FLCN: variants seen among roughly 807,000 people sequenced by gnomAD.
The protein encoded by FLCN is BHD skin lesion fibrofolliculoma protein.
FLCN carries 22 observed loss-of-function variants against 62.5 expected under a neutral mutation model. The observed-to-expected ratio is 0.35, with a 90% CI of 0.25 to 0.50. The LOEUF (loss-of-function observed/expected upper bound fraction) is 0.50. Ranked by LOEUF, FLCN falls within the 20% of genes least tolerant of loss-of-function variation. The probability of loss-of-function intolerance (pLI) is 0.97; values close to 1 mark genes in which losing one functional copy is unlikely to be tolerated. For synonymous variants in FLCN, 319 were observed against 310.0 expected (o/e 1.03, Z -0.30); for missense variants, 657 against 778.0 (o/e 0.84, Z 1.85).
chr17:17,215,535 A>G (rs1236440209), intron 11 of FLCN, among the ~76,000 whole-genome samples: 1 of 152,250 alleles, frequency 6.6e-6, no homozygotes, highest in East Asian at 1.9e-4. Context: ...ATAATTTATT[A>G]TATTACAATA....
rs1439151268 is a variant in FLCN, at chr17:17,213,794, TTC to T, written c.1599_1600del (p.Lys534AlafsTer67). 6.2e-7 allele frequency: 1 copy of T among 1,614,244 alleles called. No individual in the cohort carries two copies. The highest frequency in any genetic ancestry group is 1.6e-4 in the Middle Eastern group (1 of 6,062). On this transcript the variant is annotated frameshift_variant, in exon 14 of 14. Transcript: ENST00000285071. LOFTEE classifies it high-confidence loss of function. Reference sequence around the variant, plus strand: ...GGACGCACCCAGGATGCTCAGCAGCTTCTGTGTGTCCTCTTTGGGTCGACTGT... The same window carrying T: ...GGACGCACCCAGGATGCTCAGCAGCTTGTGTGTCCTCTTTGGGTCGACTGT...
chr17:17,232,347 T>A (rs1224300016), intron 2 of FLCN, among the ~76,000 whole-genome samples: 1 of 152,170 alleles, frequency 6.6e-6, no homozygotes, highest in African/African-American at 2.4e-5. Context: ...AGTGCCTTCC[T>A]GACACACAGG....
chr17:17,216,834 T>A lies in FLCN; in HGVS notation c.1176+235A>T, dbSNP rs760707970. On this transcript the variant is annotated intron_variant, in intron 10 of 13. Transcript: ENST00000285071. This position sits in a 1 kb window ranked among gnomAD's most constrained non-coding sequence, Gnocchi z 4.0. The stretch of plus-strand genomic sequence containing the variant: ...AAGCTTTTACCAAGACTGTGTCATA[T>A]GCATTTTTGTTCCCTCTCAGGCCTG... 1.6e-6 allele frequency: 1 copy of A among 614,862 alleles called. No individual in the cohort carries two copies. The highest frequency in any genetic ancestry group is 2.9e-6 in the Non-Finnish European group (1 of 344,128). 38.1% of individuals were successfully genotyped at this position (614,862 alleles called of 1,614,324 possible). A position where few individuals can be genotyped will look rare whatever the true frequency, so the allele number is the denominator to read the frequency against.
chr17:17,225,758 G>A, intron 5 of FLCN: 1 of 318,912 alleles, frequency 3.1e-6, no homozygotes, highest in Non-Finnish European at 6.3e-6. Context: ...GCACACACCA[G>A]TGGTCCCAGC....
At chr17:17,234,894 G>A (rs1465580717) in intron 1 of FLCN, among the ~76,000 whole-genome samples, 2 of 152,048 alleles carry the variant, frequency 1.3e-5, no homozygotes, top group East Asian at 1.9e-4. Flanking sequence ...GGCAGATCAC[G>A]AGGTCAGGAG....
intron 8 of FLCN, 121 bp from the exon 9 acceptor site, chr17:17,219,330 G>C: frequency 2.9e-6 from 2 of 700,368 alleles, no homozygotes; most frequent in Non-Finnish European, 4.7e-6. Context: ...CAGGTCCTAT[G>C]CTCCCTGCTC....
Position 17,234,222 on chromosome 17 carries a change from T to G in FLCN, c.-227-1321A>C, listed in dbSNP as rs559559154. ...TGTTTTGTTTTTTTTTGGTTTGTTT[T>G]TTTTTTTGCGGAAGGGTCTCATTCT... On this transcript the variant is annotated intron_variant, in intron 1 of 13. Transcript: ENST00000285071. 8.4e-3 allele frequency among the ~76,000 whole-genome samples: 1,270 copies of G among 150,792 alleles called. 32 individuals are homozygous for G. Among genetic ancestry groups the G allele is most frequent in the South Asian group, 0.064 (305 of 4,750 alleles).
chr17:17,218,381 ACTTT>A (rs1446295301), intron 9 of FLCN, among the ~76,000 whole-genome samples: 3 of 132,850 alleles, frequency 2.3e-5, no homozygotes, highest in African/African-American at 5.5e-5. Flanking sequence ...AATGACCATC[ACTTT>A]CTTTTTTTTT....
At chr17:17,221,278 C>G in intron 8 of FLCN, 2 of 1,547,154 alleles carry the variant, frequency 1.3e-6, no homozygotes, top group South Asian at 2.4e-5. Flanking sequence ...GTTCTCTCTA[C>G]AGACAGCCCA....
chr17:17,223,579 C>G (rs1342944057), intron 6 of FLCN, among the ~76,000 whole-genome samples: 1 of 152,230 alleles, frequency 6.6e-6, no homozygotes, highest in East Asian at 1.9e-4. Context: ...ATCTCCACAG[C>G]TGGAGGCCTA....
intron 3 of FLCN, among the ~76,000 whole-genome samples, chr17:17,230,114 C>T (rs1159480714): frequency 6.6e-6 from 1 of 152,212 alleles, no homozygotes; most frequent in Non-Finnish European, 1.5e-5. Flanking sequence ...GTGGGGACAG[C>T]CACAGCCAAC....
intron 13 of FLCN, 75 bp from the exon 14 acceptor site, chr17:17,213,931 G>T: frequency 6.6e-7 from 1 of 1,520,012 alleles, no homozygotes; most frequent in Non-Finnish European, 9.1e-7. Flanking sequence ...GCCAACCAGG[G>T]GTGACACGGC....
chr17:17,223,813 G>A (rs777672743), intron 6 of FLCN, 109 bp downstream of exon 6: 18 of 1,104,590 alleles, frequency 1.6e-5, no homozygotes, highest in Admixed American at 3.9e-5. Flanking sequence ...TGCACTGGCT[G>A]TAAGCAGAGG....
chr17:17,228,671 AGG>A, intron 3 of FLCN: 1 of 177,718 alleles, frequency 5.6e-6, no homozygotes, highest in Non-Finnish European at 1.2e-5. Flanking sequence ...TTCCTGCGAG[AGG>A]CCCACGCAGG....
chr17:17,220,453 A>G (rs904202228), intron 8 of FLCN: 1 of 152,274 alleles, frequency 6.6e-6, no homozygotes, highest in Non-Finnish European at 1.5e-5. Flanking sequence ...TGTCATTTCA[A>G]CGAAACTTCA....
Position 17,228,086 on chromosome 17 carries a change from T to C in FLCN, c.52A>G (p.Thr18Ala), listed in dbSNP as rs761993256. The change falls in exon 4 of 14, where the codon ACT becomes GCT. Residue 18 changes from threonine (T) to alanine (A), a missense_variant. Physicochemically the swap from Thr to Ala is moderately conservative, Grantham distance 58. Transcript: ENST00000285071. ...TGCAGCACCTCCGTGCAGAAGAGAG[T>C]GCGGGGGCCGTGGAGCTCGCAGAAG... ...CHFCELHGPRTLFCTEVLHAP... is the reference protein window; with the variant it reads ...CHFCELHGPRALFCTEVLHAP... 4 of 1,613,350 alleles carry C rather than the reference T, an allele frequency of 2.5e-6. No individual in the cohort carries two copies. Among genetic ancestry groups the C allele is most frequent in the East Asian group, 2.2e-5 (1 of 44,868 alleles).
chr17:17,219,486 A>G, intron 8 of FLCN: 1 of 457,084 alleles, frequency 2.2e-6, no homozygotes, highest in Non-Finnish European at 4.0e-6. Context: ...CAGTAAGAAA[A>G]ATGCCAACAG....
At chr17:17,221,710 AGTTT>A in intron 7 of FLCN, 82 bp from the exon 8 acceptor site, 1 of 1,465,452 alleles carries the variant, frequency 6.8e-7, no homozygotes. Context: ...TGATCCTACC[AGTTT>A]AAAGAAAAAA....
rs1172104668 is a variant in FLCN at position 17,216,457 on chromosome 17, T to C, written c.1223A>G (p.Gln408Arg). 6.2e-7 allele frequency: 1 copy of C among 1,613,776 alleles called. No homozygotes were observed. Among genetic ancestry groups the C allele is most frequent in the Non-Finnish European group, 8.5e-7 (1 of 1,179,902 alleles). The change falls in exon 11 of 14, where the codon CAG (glutamine) becomes CGG (arginine). Residue 408 changes from glutamine (Q) to arginine (R), a missense_variant. By Grantham distance (43) the Gln-to-Arg change is conservative (BLOSUM62 1). Coordinates refer to ENST00000285071, the MANE Select transcript of FLCN (RefSeq NM_144997.7). This position sits in a 1 kb window ranked among gnomAD's most constrained non-coding sequence, Gnocchi z 4.0. ...GTTGCACCGATAGGCCTCCTCGTAC[T>C]GGCTGCTGTATGGGATGATGCGGAC... is the stretch of plus-strand genomic sequence containing the variant. ...GCVRIIPYSS[Q>R]YEEAYRCNFL... is the part of the protein sequence containing the mutation.
Sources: gnomAD v4.1 joint callset for allele counts (sites outside exome capture counted in the v4.1 genomes callset) on GRCh38, gnomAD v4.1.1 for gene constraint, Gnocchi (gnomAD v3.1) non-coding constraint, MANE v1.5 for transcripts, NCBI Gene and HGNC (gene_info 2026-07-23, HGNC 2026-07-21) for gene names.